TIPRL: variants seen among roughly 807,000 people sequenced by gnomAD.
The protein encoded by TIPRL is TOR signaling pathway regulator.
In TIPRL, 10 loss-of-function variants were observed where a neutral mutation model predicts 32.3. That is an observed-to-expected ratio of 0.31 (90% CI 0.19 to 0.52). The LOEUF is 0.52. Among genes scored for constraint, TIPRL ranks in the 20% least tolerant of loss-of-function variants. TIPRL has a pLI of 0.96. For synonymous variants in TIPRL, 100 were observed against 114.0 expected, an observed-to-expected ratio of 0.88 and a Z score of 0.78; for missense variants, 250 against 328.1, an observed-to-expected ratio of 0.76 and a Z score of 1.84.
chr1:168,180,918 C>T lies in TIPRL; in HGVS notation c.104+1737C>T, dbSNP rs373380988. ...ACCTCAGGTGATCTGTCCGCCTTGG[C>T]CCCCCAAAGTGCCGGGATTACAGGC... On this transcript the variant is annotated intron_variant, in intron 1 of 6. Coordinates refer to ENST00000367833, the MANE Select transcript of TIPRL (RefSeq NM_152902.5). Among the ~76,000 whole-genome samples the T allele has an allele frequency of 1.1e-4, 17 of 149,446 alleles. No homozygotes were observed. The East Asian group carries it at 2.6e-3, about 23-fold the overall frequency.
intron 4 of TIPRL, among the ~76,000 whole-genome samples, chr1:168,192,585 T>C (rs1409841085): frequency 6.6e-6 from 1 of 152,190 alleles, no homozygotes; most frequent in East Asian, 1.9e-4. Flanking sequence ...AATATCTCTT[T>C]TCTATACTCC....
chr1:168,189,261 T>C (rs1379979562), intron 3 of TIPRL, among the ~76,000 whole-genome samples: 1 of 152,184 alleles, frequency 6.6e-6, no homozygotes, highest in East Asian at 1.9e-4. Flanking sequence ...TTTTAGGAAG[T>C]TTTTGGGTTT....
Sources: gnomAD v4.1 joint callset for allele counts (sites outside exome capture counted in the v4.1 genomes callset) on GRCh38, gnomAD v4.1.1 for gene constraint, MANE v1.5 for transcripts, NCBI Gene and HGNC (gene_info 2026-07-23, HGNC 2026-07-21) for gene names.